Variants in COQ10B observed in about 807,000 individuals in gnomAD.
COQ10B encodes coenzyme Q10B.
In COQ10B, 12 loss-of-function variants were observed where a neutral mutation model predicts 27.6. That is an observed-to-expected ratio of 0.43 (90% CI 0.28 to 0.70). The LOEUF is 0.70. Ranked by LOEUF, COQ10B falls within the 30% of genes least tolerant of loss-of-function variation. COQ10B has a pLI of 0.17. For synonymous variants in COQ10B, 115 were observed against 103.0 expected (o/e 1.12, Z -0.71); for missense variants, 278 against 288.7 (o/e 0.96, Z 0.27).
intron 2 of COQ10B, 117 bp downstream of exon 2, chr2:197,460,198 G>A: frequency 1.5e-6 from 1 of 658,438 alleles, no homozygotes; most frequent in Non-Finnish European, 2.3e-6. Flanking sequence ...TCTTTTCTAG[G>A]TTGGCCTTTT....
chr2:197,459,872 A>G (rs1342301999), intron 1 of COQ10B, 60 bp from the exon 2 acceptor site: 3 of 1,306,440 alleles, frequency 2.3e-6, no homozygotes, highest in Non-Finnish European at 3.2e-6. Context: ...AGTTTCTATA[A>G]TTTGTGCTTC....
intron 3 of COQ10B, among the ~76,000 whole-genome samples, chr2:197,466,987 C>A (rs2085831069): frequency 6.6e-6 from 1 of 151,318 alleles, no homozygotes; most frequent in Admixed American, 6.6e-5. Context: ...CTCTTGTTGC[C>A]CAGGCTGGAG....
intron 3 of COQ10B, among the ~76,000 whole-genome samples, chr2:197,466,558 T>C (rs920072982): frequency 6.6e-6 from 1 of 152,228 alleles, no homozygotes; most frequent in Non-Finnish European, 1.5e-5. Flanking sequence ...ATGGGAGTCA[T>C]GAAGCCTCCT....
At position 197,475,001 on chromosome 2, in the gene COQ10B, A is replaced by G. The variant is rs1454247490; in HGVS notation, c.*1077A>G. 6.6e-6 allele frequency: 1 copy of G among 151,970 alleles called. No homozygotes were observed. The highest frequency in any genetic ancestry group is 1.5e-5 in the Non-Finnish European group (1 of 67,960). The allele number at this position is 151,970 out of a possible 1,614,324, so 9.4% of individuals were successfully genotyped here. ...AATGTCTCCAGCACTATGCATCCCTATTTTCTATTTATTGTGTACACTCAC... is the reference window on the plus strand; with the variant it reads ...AATGTCTCCAGCACTATGCATCCCTGTTTTCTATTTATTGTGTACACTCAC... On this transcript the variant is annotated 3_prime_UTR_variant, in exon 5 of 5. Coordinates refer to ENST00000263960, the MANE Select transcript of COQ10B (RefSeq NM_025147.5).
Position 197,466,575 on chromosome 2 carries a change from T to C in COQ10B, c.448-3495T>C, listed in dbSNP as rs2085826685. Among the ~76,000 whole-genome samples, 5 of 152,350 alleles carry C rather than the reference T, an allele frequency of 3.3e-5. 1 individual carries two copies. The South Asian group carries it at 1.0e-3, about 32-fold the overall frequency. On this transcript the variant is annotated intron_variant, in intron 3 of 4. Transcript: ENST00000263960. ...GGGAGTCATGAAGCCTCCTTACTTA[T>C]GAAGCTTTCACTACCTGTATTTTTG...
At chr2:197,454,998 G>A (rs576778769) in intron 1 of COQ10B, among the ~76,000 whole-genome samples, 1 of 152,278 alleles carries the variant, frequency 6.6e-6, no homozygotes, top group East Asian at 1.9e-4. Context: ...GGCAGTGCAT[G>A]AAAATAGATG....
Position 197,474,191 on chromosome 2 carries a change from G to T in COQ10B, c.*267G>T. ...ATCACCATTGCTAGAATACTGGCAT[G>T]ATTCTTCTGAGCAGAAGTTGAAACT... On this transcript the variant is annotated 3_prime_UTR_variant, in exon 5 of 5. Coordinates refer to ENST00000263960, the MANE Select transcript of COQ10B (RefSeq NM_025147.5). The T allele has an allele frequency of 3.8e-6, 1 of 265,970 alleles. No homozygotes were observed. The highest frequency in any genetic ancestry group is 7.0e-6 in the Non-Finnish European group (1 of 142,574). 16.5% of individuals were successfully genotyped at this position (265,970 alleles called of 1,614,324 possible).
chr2:197,463,984 T>C (rs1219550042), intron 3 of COQ10B, among the ~76,000 whole-genome samples: 11 of 82,604 alleles, frequency 1.3e-4, no homozygotes, highest in Non-Finnish European at 2.1e-4. Flanking sequence ...TATATATATA[T>C]ATATATATAT....
In COQ10B at chr2:197,460,001, G is replaced by GATATGTGC; in HGVS notation, c.176_183dup (p.Arg62TyrfsTer13). ...TACATACCTCAATTTTGCCTAAGGA[G>GATATGTGC]ATATGTGCACGAACTTTCTTCAAAA... On this transcript the variant is annotated frameshift_variant, in exon 2 of 5. Coordinates refer to ENST00000263960, the MANE Select transcript of COQ10B (RefSeq NM_025147.5). LOFTEE classifies it high-confidence loss of function. 1 of 1,611,338 alleles carries GATATGTGC rather than the reference G, an allele frequency of 6.2e-7. No individual in the cohort carries two copies. The highest frequency in any genetic ancestry group is 8.5e-7 in the Non-Finnish European group (1 of 1,177,818).
intron 3 of COQ10B, among the ~76,000 whole-genome samples, chr2:197,468,794 CAA>C (rs1260759326): frequency 1.3e-5 from 2 of 151,822 alleles, no homozygotes; most frequent in African/African-American, 4.8e-5. Context: ...CACAACTCTA[CAA>C]AAAATGAAAT....
In COQ10B at chr2:197,473,418, ATATAT is replaced by A. The variant is rs1559296041; in HGVS notation, c.550-338_550-334del. The stretch of plus-strand genomic sequence containing the variant: ...CCCCCCCCACAAAAAAAAAAAAAAT[ATATAT>A]ATATATATATATATATATACACATA... On this transcript the variant is annotated intron_variant, in intron 4 of 4. Transcript: ENST00000263960. Among the ~76,000 whole-genome samples the A allele has an allele frequency of 2.2e-3, 127 of 57,128 alleles. 6 individuals carry two copies. Among genetic ancestry groups the A allele is most frequent in the South Asian group, 0.021 (36 of 1,724 alleles). 37.5% of individuals were successfully genotyped at this position (57,128 alleles called of 152,430 possible). A position where few individuals can be genotyped will look rare whatever the true frequency, so the allele number is the denominator to read the frequency against.
In COQ10B at chr2:197,474,051, C is replaced by G. The variant is rs1444867309; in HGVS notation, c.*127C>G. The G allele has an allele frequency of 3.2e-6, 2 of 621,578 alleles. No homozygotes were observed. The highest frequency in any genetic ancestry group is 4.9e-6 in the Non-Finnish European group (2 of 407,154). The allele number at this position is 621,578 out of a possible 1,614,324, so 38.5% of individuals were successfully genotyped here. ...ACGCAGCTTTGGTTATAAACCTGCACCATTGAAAATTTGCACATAGAATAT... is the reference window on the plus strand; with the variant it reads ...ACGCAGCTTTGGTTATAAACCTGCAGCATTGAAAATTTGCACATAGAATAT... On this transcript the variant is annotated 3_prime_UTR_variant, in exon 5 of 5. Coordinates refer to ENST00000263960, the MANE Select transcript of COQ10B (RefSeq NM_025147.5).
At chr2:197,466,154 C>T (rs1297218378) in intron 3 of COQ10B, among the ~76,000 whole-genome samples, 2 of 152,158 alleles carry the variant, frequency 1.3e-5, no homozygotes, top group African/African-American at 4.8e-5. Flanking sequence ...TTTATCATTG[C>T]ACATTGACCC....
intron 2 of COQ10B, 64 bp from the exon 3 acceptor site, chr2:197,462,475 A>G: frequency 1.2e-6 from 1 of 807,184 alleles, no homozygotes. Flanking sequence ...ATTCACTTTA[A>G]AGTATGCATA....
intron 1 of COQ10B, among the ~76,000 whole-genome samples, chr2:197,454,597 T>C (rs2085676300): frequency 6.6e-6 from 1 of 152,078 alleles, no homozygotes; most frequent in Admixed American, 6.6e-5. Context: ...ATAAAATTAC[T>C]CCTGCTTTAG....
intron 2 of COQ10B, among the ~76,000 whole-genome samples, chr2:197,461,935 A>C (rs1372017078): frequency 6.6e-6 from 1 of 151,814 alleles, no homozygotes; most frequent in Admixed American, 6.6e-5. Flanking sequence ...ACTCCTGGCC[A>C]TACTCTCAAT....
At chr2:197,458,063 GTCTC>G (rs2085718749) in intron 1 of COQ10B, among the ~76,000 whole-genome samples, 1 of 149,988 alleles carries the variant, frequency 6.7e-6, no homozygotes, top group African/African-American at 2.4e-5. Context: ...GCCCAAATTT[GTCTC>G]TCTCTAATTG....
At chr2:197,459,194 C>G (rs879766181) in intron 1 of COQ10B, among the ~76,000 whole-genome samples, 1 of 152,126 alleles carries the variant, frequency 6.6e-6, no homozygotes, top group Admixed American at 6.6e-5. Flanking sequence ...GAGATAGAGT[C>G]TCGCCCTGTC....
At chr2:197,453,935 C>G in intron 1 of COQ10B, 50 of 1,546,794 alleles carry the variant, frequency 3.2e-5, no homozygotes, top group Non-Finnish European at 4.3e-5. Context: ...GCCATTGGTG[C>G]CTTTGGGCTC....
Sources: gnomAD v4.1 joint callset for allele counts (sites outside exome capture counted in the v4.1 genomes callset) on GRCh38, gnomAD v4.1.1 for gene constraint, MANE v1.5 for transcripts, NCBI Gene and HGNC (gene_info 2026-07-23, HGNC 2026-07-21) for gene names.